Variants in GNG2 observed in about 807,000 individuals in gnomAD.
GNG2 encodes the protein G protein subunit gamma 2, also known as guanine nucleotide-binding protein G(I)/G(S)/G(O) subunit gamma-2.
In GNG2, 5 loss-of-function variants were observed where a neutral mutation model predicts 5.5. That is an observed-to-expected ratio of 0.91 (90% CI 0.48 to 1.92). GNG2 has a LOEUF of 1.92. Ranked by LOEUF, GNG2 falls within the 30% of genes most tolerant of loss-of-function variation. The pLI is 0.01. For synonymous variants in GNG2, 28 were observed against 32.0 expected, an observed-to-expected ratio of 0.88 and a Z score of 0.42; for missense variants, 55 against 88.4, an observed-to-expected ratio of 0.62 and a Z score of 1.52.
chr14:51,929,107 T>C (rs1404679278), intron 2 of GNG2, among the ~76,000 whole-genome samples: 1 of 152,204 alleles, frequency 6.6e-6, no homozygotes, highest in Non-Finnish European at 1.5e-5. Flanking sequence ...GACCAAATCC[T>C]GGGAATTTGA....
intron 2 of GNG2, among the ~76,000 whole-genome samples, chr14:51,897,828 C>A (rs1885299262): frequency 6.6e-6 from 1 of 152,126 alleles, no homozygotes; most frequent in South Asian, 2.1e-4. Flanking sequence ...GTGTGCCCCA[C>A]AATGTTTTGA....
intron 2 of GNG2, among the ~76,000 whole-genome samples, chr14:51,910,248 G>T (rs1409368991): frequency 6.6e-6 from 1 of 152,164 alleles, no homozygotes; most frequent in Non-Finnish European, 1.5e-5. Context: ...AGAGTTGCTG[G>T]TAGAGTCATG....
chr14:51,916,082 G>A (rs1886602477), intron 2 of GNG2: 1 of 164,888 alleles, frequency 6.1e-6, no homozygotes, highest in South Asian at 1.5e-4. Context: ...ATCCCTTACT[G>A]TACAACATAC....
intron 2 of GNG2, among the ~76,000 whole-genome samples, chr14:51,880,614 T>G (rs1173075255): frequency 1.3e-5 from 2 of 152,180 alleles, no homozygotes; most frequent in Non-Finnish European, 2.9e-5. Flanking sequence ...AATCCACTTT[T>G]AGACACTTCA....
rs1458191641 is a variant in GNG2, at chr14:51,835,990, G to T, written c.64+8183G>T. Among the ~76,000 whole-genome samples, 11 of 151,626 alleles carry T rather than the reference G, an allele frequency of 7.3e-5. No homozygotes were observed. The Admixed American group carries it at 7.3e-4, about 10-fold the overall frequency. ...TGCTATACAGAACACTATAGACTGG[G>T]TGACTTAAACAATAGAAATTTATTT... On this transcript the variant is annotated intron_variant, in intron 2 of 3. Coordinates refer to the GNG2 transcript ENST00000553432.
intron 2 of GNG2, among the ~76,000 whole-genome samples, chr14:51,880,229 G>C (rs995379768): frequency 1.6e-4 from 25 of 152,180 alleles, no homozygotes; most frequent in African/African-American, 6.0e-4. Flanking sequence ...TGGAGGGTTT[G>C]CCTACAGTGT....
rs1010939723 is a variant in GNG2, at chr14:51,889,175, C to T, written c.-30+11518C>T. Among the ~76,000 whole-genome samples, 4 of 142,156 alleles carry T rather than the reference C, an allele frequency of 2.8e-5. No homozygotes were observed. In the Admixed American group the frequency reaches 3.1e-4, roughly 11 times the overall value. The allele number at this position is 142,156 out of a possible 152,430, so 93.3% of individuals were successfully genotyped here. On this transcript the variant is annotated intron_variant, in intron 2 of 3. Transcript: ENST00000556766. Reference sequence around the variant, plus strand: ...TCGCCTAGGCTGGAGTACATTGGAGCGATCTCTGCTCACTGCAACCTCCGA... The same window carrying T: ...TCGCCTAGGCTGGAGTACATTGGAGTGATCTCTGCTCACTGCAACCTCCGA...
intron 2 of GNG2, among the ~76,000 whole-genome samples, chr14:51,943,099 G>A (rs1888442599): frequency 6.6e-6 from 1 of 152,118 alleles, no homozygotes; most frequent in East Asian, 1.9e-4. Context: ...ATGCCTCTGG[G>A]GTGGTCCTCT....
intron 2 of GNG2, among the ~76,000 whole-genome samples, chr14:51,847,651 A>T (rs952578898): frequency 6.6e-6 from 1 of 152,034 alleles, no homozygotes; most frequent in Admixed American, 6.5e-5. Context: ...AGAATCTTCC[A>T]CCTACAGGCG....
chr14:51,960,288 G>A (rs1019083896), intron 3 of GNG2, among the ~76,000 whole-genome samples: 1 of 151,158 alleles, frequency 6.6e-6, no homozygotes, highest in East Asian at 1.9e-4. Context: ...TTTATTCATT[G>A]TATTTTTCAC....
intron 3 of GNG2, among the ~76,000 whole-genome samples, chr14:51,954,175 A>G (rs763029150): frequency 6.6e-6 from 1 of 152,092 alleles, no homozygotes; most frequent in African/African-American, 2.4e-5. Flanking sequence ...TACATCACAG[A>G]CCCTGGGAGA....
chr14:51,930,245 CA>C (rs1369723215), intron 2 of GNG2, among the ~76,000 whole-genome samples: 2 of 152,232 alleles, frequency 1.3e-5, no homozygotes, highest in Non-Finnish European at 2.9e-5. Flanking sequence ...ATTCCAGTGA[CA>C]AAAAAGCCTT....
Position 51,967,920 on chromosome 14 carries a change from C to G in GNG2, c.*1233C>G, listed in dbSNP as rs3742537. ...AAGGTGACCATTCTCAGAACTCCAG[C>G]TATTCACTCTCCAGGGAGAAGGACC... On this transcript the variant is annotated 3_prime_UTR_variant, in exon 4 of 4. Transcript: ENST00000556766. 6.6e-6 allele frequency: 1 copy of G among 152,174 alleles called. No homozygotes were observed. The highest frequency in any genetic ancestry group is 1.5e-5 in the Non-Finnish European group (1 of 68,030). The allele number at this position is 152,174 out of a possible 1,614,324, so 9.4% of individuals were successfully genotyped here. A position where few individuals can be genotyped will look rare whatever the true frequency, so the allele number is the denominator to read the frequency against.
At chr14:51,964,128 C>T (rs1408277762) in intron 3 of GNG2, among the ~76,000 whole-genome samples, 1 of 152,108 alleles carries the variant, frequency 6.6e-6, no homozygotes, top group African/African-American at 2.4e-5. Flanking sequence ...CACAGACACT[C>T]AGGAGAGAAT....
In GNG2 at chr14:51,846,303, C is replaced by T. The variant is rs540284320; in HGVS notation, c.64+18496C>T. On this transcript the variant is annotated intron_variant, in intron 2 of 3. Coordinates refer to the GNG2 transcript ENST00000553432. ...ACAATTTTTTTCACACACAAGTTCT[C>T]ATCATACATATTACTAAAGATGGAT... Among the ~76,000 whole-genome samples the T allele has an allele frequency of 6.0e-4, 92 of 152,102 alleles. No individual in the cohort carries two copies. The South Asian group carries it at 0.015, about 25-fold the overall frequency.
chr14:51,854,084 G>C (rs963676303), intron 2 of GNG2, among the ~76,000 whole-genome samples: 1 of 152,036 alleles, frequency 6.6e-6, no homozygotes, highest in Non-Finnish European at 1.5e-5. Context: ...GTGTTGGCCA[G>C]GCTGGTCTCA....
At chr14:51,889,968 G>C (rs771487941) in intron 2 of GNG2, among the ~76,000 whole-genome samples, 2 of 152,148 alleles carry the variant, frequency 1.3e-5, no homozygotes, top group Non-Finnish European at 2.9e-5. Flanking sequence ...AGCTAAATCA[G>C]ATTATTTATC....
intron 2 of GNG2, among the ~76,000 whole-genome samples, chr14:51,838,328 C>A (rs1357803833): frequency 6.6e-6 from 1 of 152,090 alleles, no homozygotes; most frequent in Non-Finnish European, 1.5e-5. Flanking sequence ...CCTGTAATCA[C>A]AGCTGCTCAG....
Position 51,936,446 on chromosome 14 carries a change from G to A in GNG2, c.-29-14204G>A, listed in dbSNP as rs139020944. Among the ~76,000 whole-genome samples the A allele has an allele frequency of 1.2e-3, 177 of 151,874 alleles. 2 individuals carry two copies. Among genetic ancestry groups the A allele is most frequent in the African/African-American group, 4.0e-3 (165 of 41,372 alleles). ...GGTGGCTAAATAGCTTCTTAAAATAGCTTCTGCAATCATGGTAGCTTAGGA... is the reference window on the plus strand; with the variant it reads ...GGTGGCTAAATAGCTTCTTAAAATAACTTCTGCAATCATGGTAGCTTAGGA... On this transcript the variant is annotated intron_variant, in intron 2 of 3. Transcript: ENST00000556766.
Sources: gnomAD v4.1 joint callset for allele counts (sites outside exome capture counted in the v4.1 genomes callset) on GRCh38, gnomAD v4.1.1 for gene constraint, MANE v1.5 for transcripts, NCBI Gene and HGNC (gene_info 2026-07-23, HGNC 2026-07-21) for gene names.